The following PTPRD variants were observed in gnomAD, a reference collection of about 807,000 sequenced individuals.
PTPRD encodes the protein receptor-type tyrosine-protein phosphatase delta.
Under a neutral mutation model 214.5 loss-of-function variants are expected in PTPRD, and 34 were observed. The observed-to-expected ratio is 0.16, with a 90% CI of 0.12 to 0.21. The LOEUF (loss-of-function observed/expected upper bound fraction) is 0.21. Ranked by LOEUF, PTPRD falls within the 10% of genes least tolerant of loss-of-function variation. The pLI is 1.00. For synonymous variants in PTPRD, 1,128 were observed against 845.7 expected (o/e 1.33, Z -5.79); for missense variants, 2,545 against 2,398.7 (o/e 1.06, Z -1.27).
chr9:8,848,421 G>C (rs1211842850), intron 11 of PTPRD, among the ~76,000 whole-genome samples: 1 of 145,292 alleles, frequency 6.9e-6, no homozygotes, highest in African/African-American at 2.5e-5. Context: ...CTGCAGCCTT[G>C]ATCTCCTGGA....
intron 8 of PTPRD, among the ~76,000 whole-genome samples, chr9:9,458,169 C>A: frequency 6.6e-6 from 1 of 151,990 alleles, no homozygotes; most frequent in South Asian, 2.1e-4. Flanking sequence ...TTAAATTACA[C>A]TCTAGATATA....
intron 7 of PTPRD, among the ~76,000 whole-genome samples, chr9:9,596,988 C>T (rs1806067002): frequency 6.6e-6 from 1 of 151,918 alleles, no homozygotes; most frequent in African/African-American, 2.4e-5. Flanking sequence ...AAAGAGAATG[C>T]CTCCAGACTG....
intron 9 of PTPRD, among the ~76,000 whole-genome samples, chr9:9,380,473 T>A (rs141056880): frequency 2.6e-3 from 395 of 152,192 alleles, no homozygotes; most frequent in Non-Finnish European, 3.6e-3. Flanking sequence ...CCATCATGGA[T>A]CTCCTCATAT....
intron 14 of PTPRD, among the ~76,000 whole-genome samples, chr9:8,563,193 G>A (rs1041819554): frequency 2.0e-5 from 3 of 152,080 alleles, no homozygotes; most frequent in African/African-American, 7.2e-5. Context: ...AATATATAGT[G>A]ACAGGGTGAT....
At chr9:10,523,267 G>A (rs1017223767) in intron 2 of PTPRD, among the ~76,000 whole-genome samples, 4 of 151,988 alleles carry the variant, frequency 2.6e-5, no homozygotes, top group Admixed American at 1.3e-4. Flanking sequence ...CAAATGCTAC[G>A]ATTTACCACT....
chr9:8,675,538 CAAAAAAA>C (rs61509653), intron 12 of PTPRD, among the ~76,000 whole-genome samples: 1 of 49,112 alleles, frequency 2.0e-5, no homozygotes, highest in Non-Finnish European at 3.5e-5. Context: ...CACACACACA[CAAAAAAA>C]AAAAAAAAAA....
At chr9:9,195,389 CTG>C (rs1424179246) in intron 9 of PTPRD, among the ~76,000 whole-genome samples, 1 of 151,994 alleles carries the variant, frequency 6.6e-6, no homozygotes, top group African/African-American at 2.4e-5. Context: ...GTGATAGAAA[CTG>C]TGTTCACTAT....
chr9:9,384,111 C>A lies in PTPRD; in HGVS notation c.-203+13338G>T, dbSNP rs147108440. On this transcript the variant is annotated intron_variant, in intron 9 of 45. Coordinates refer to ENST00000381196, the MANE Select transcript of PTPRD (RefSeq NM_002839.4). ...ATGAAGGGACATTAAAAACTTTTCA[C>A]ATACTTTTTTTTTTGCTTATAGATA... Among the ~76,000 whole-genome samples, 276 of 150,356 alleles carry A rather than the reference C, an allele frequency of 1.8e-3. 1 individual carries two copies. The highest frequency in any genetic ancestry group is 6.5e-3 in the African/African-American group (263 of 40,288).
At chr9:9,005,020 G>A (rs1359966061) in intron 11 of PTPRD, among the ~76,000 whole-genome samples, 1 of 152,062 alleles carries the variant, frequency 6.6e-6, no homozygotes, top group Non-Finnish European at 1.5e-5. Flanking sequence ...GCTGGAACCA[G>A]CCATTCCTTC....
At chr9:8,352,949 A>G (rs2075922333) in intron 39 of PTPRD, among the ~76,000 whole-genome samples, 1 of 152,082 alleles carries the variant, frequency 6.6e-6, no homozygotes, top group Non-Finnish European at 1.5e-5. Context: ...CGTCTCTACT[A>G]AAACTACAAA....
chr9:8,648,719 T>C (rs532852293), intron 12 of PTPRD, among the ~76,000 whole-genome samples: 6 of 152,356 alleles, frequency 3.9e-5, no homozygotes, highest in South Asian at 2.1e-4. Context: ...AGCAGAGATG[T>C]AGGCAAATGA....
chr9:9,461,429 C>T (rs2093645771), intron 8 of PTPRD, among the ~76,000 whole-genome samples: 1 of 152,000 alleles, frequency 6.6e-6, no homozygotes, highest in Non-Finnish European at 1.5e-5. Flanking sequence ...ATCAGCCTCT[C>T]TCAAGTCAAG....
chr9:8,604,127 G>A (rs1230963556), intron 14 of PTPRD, among the ~76,000 whole-genome samples: 1 of 152,286 alleles, frequency 6.6e-6, no homozygotes. Context: ...CAGTACTGTT[G>A]TTGTAAAGTA....
chr9:9,020,367 G>A (rs556437970), intron 10 of PTPRD, among the ~76,000 whole-genome samples: 2 of 152,258 alleles, frequency 1.3e-5, no homozygotes, highest in East Asian at 3.9e-4. Flanking sequence ...TGACTAGATG[G>A]AGGAGACAGT....
intron 3 of PTPRD, among the ~76,000 whole-genome samples, chr9:10,107,309 G>A (rs144658697): frequency 1.6e-3 from 241 of 152,144 alleles, no homozygotes; most frequent in South Asian, 0.01. Context: ...TTTGGGAGAT[G>A]TGAGGAAGAG....
chr9:8,606,233 A>T (rs940920608), intron 14 of PTPRD, among the ~76,000 whole-genome samples: 1 of 152,160 alleles, frequency 6.6e-6, no homozygotes, highest in African/African-American at 2.4e-5. Flanking sequence ...CTTTACATGC[A>T]TTCACAAACA....
chr9:8,763,185 G>C (rs1444517429), intron 11 of PTPRD, among the ~76,000 whole-genome samples: 2 of 152,156 alleles, frequency 1.3e-5, no homozygotes, highest in East Asian at 3.8e-4. Context: ...TTGTTAGCTT[G>C]AGACAGTAGA....
chr9:10,003,086 T>A (rs2096372700), intron 4 of PTPRD, among the ~76,000 whole-genome samples: 2 of 151,800 alleles, frequency 1.3e-5, no homozygotes. Context: ...ATGAAAGAGG[T>A]GACATATCAA....
chr9:10,519,192 C>CA (rs1566695458), intron 2 of PTPRD, among the ~76,000 whole-genome samples: 2 of 113,148 alleles, frequency 1.8e-5, no homozygotes, highest in Non-Finnish European at 1.7e-5. Flanking sequence ...TGCCAGTACA[C>CA]AAAAAATCTA....
Sources: allele counts gnomAD v4.1 joint callset (sites outside exome capture counted in the v4.1 genomes callset), GRCh38; gene constraint gnomAD v4.1.1; transcripts MANE v1.5; gene names NCBI Gene and HGNC (gene_info 2026-07-23, HGNC 2026-07-21).